Variants in PRRX1 observed in about 807,000 individuals in gnomAD.
PRRX1 encodes the protein paired mesoderm homeobox protein 1.
Under a neutral mutation model 24.0 loss-of-function variants are expected in PRRX1, and 8 were observed. That is an observed-to-expected ratio of 0.33 (90% CI 0.20 to 0.60). PRRX1 has a LOEUF of 0.60. Ranked by LOEUF, PRRX1 falls within the 20% of genes least tolerant of loss-of-function variation. The pLI, the probability that PRRX1 is intolerant of heterozygous loss-of-function variation, is 0.82. For missense variants in PRRX1, 281 were observed against 322.4 expected (o/e 0.87, Z 0.98); for synonymous variants, 160 against 131.7 (o/e 1.22, Z -1.47).
rs758738720 is a variant in PRRX1 at position 170,664,361 on chromosome 1, T to A, written c.143T>A (p.Met48Lys). The A allele has an allele frequency of 6.2e-7, 1 of 1,613,870 alleles. No homozygotes were observed. The change falls in exon 1 of 4, where the codon ATG (methionine) becomes AAG (lysine). Residue 48 changes from methionine to lysine, a missense_variant. By Grantham distance (95) the Met-to-Lys change is moderately conservative. Transcript: ENST00000239461. The stretch of plus-strand genomic sequence containing the variant: ...CTAGACCTGGAGGAAGCCGGGGACA[T>A]GGTGGCGGCACAGGCGGATGAGAAC... ...HLLDLEEAGD[M>K]VAAQADENVG...
chr1:170,679,448 G>A (rs1473528799), intron 1 of PRRX1, among the ~76,000 whole-genome samples: 2 of 152,080 alleles, frequency 1.3e-5, no homozygotes, highest in African/African-American at 4.8e-5. Context: ...TGCCCAGGCT[G>A]GAGTGCAGTG....
At chr1:170,726,665 G>C (rs1198437419) in intron 3 of PRRX1, 1 of 438,258 alleles carries the variant, frequency 2.3e-6, no homozygotes, top group African/African-American at 2.0e-5. Context: ...CAAAGATGAG[G>C]AAGAATCTAA....
At position 170,682,545 on chromosome 1, in the gene PRRX1, C is replaced by G. The variant is rs529971303; in HGVS notation, c.241+18086C>G. The stretch of plus-strand genomic sequence containing the variant: ...TTTGTTAGTATAACAAAGTTGGAGG[C>G]CTAGGTTTAAATGTTATGTTTGTAG... On this transcript the variant is annotated intron_variant, in intron 1 of 3. Transcript: ENST00000239461. Among the ~76,000 whole-genome samples the G allele has an allele frequency of 5.3e-5, 8 of 152,140 alleles. No homozygotes were observed. In the East Asian group the frequency reaches 7.7e-4, roughly 15 times the overall value.
intron 1 of PRRX1, among the ~76,000 whole-genome samples, chr1:170,702,954 C>A (rs1481150675): frequency 2.0e-5 from 3 of 152,152 alleles, no homozygotes; most frequent in Non-Finnish European, 4.4e-5. Context: ...GATTTATAAC[C>A]ATTTGATCAA....
intron 1 of PRRX1, among the ~76,000 whole-genome samples, chr1:170,702,417 T>C (rs1477107133): frequency 6.6e-6 from 1 of 152,140 alleles, no homozygotes; most frequent in African/African-American, 2.4e-5. Flanking sequence ...ATAACCACAA[T>C]TGTACTCTCT....
At chr1:170,681,596 G>A (rs889615505) in intron 1 of PRRX1, among the ~76,000 whole-genome samples, 1 of 152,088 alleles carries the variant, frequency 6.6e-6, no homozygotes, top group Non-Finnish European at 1.5e-5. Flanking sequence ...GAAGAAGTGA[G>A]TTGGAAGATA....
intron 1 of PRRX1, among the ~76,000 whole-genome samples, chr1:170,705,935 T>TACACACAAACACACACACACACAC (rs1553253691): frequency 1.4e-4 from 20 of 146,536 alleles, no homozygotes; most frequent in African/African-American, 5.0e-4. Flanking sequence ...CACACACACA[T>TACACACAAACACACACACACACAC]ACACACACAC....
chr1:170,669,148 T>C (rs73034965), intron 1 of PRRX1: 18,599 of 151,710 alleles, frequency 0.12, 1,240 homozygotes, highest in African/African-American at 0.16. Flanking sequence ...ACTCACTGGG[T>C]CTCCAGATCC....
At chr1:170,726,651 G>T (rs184713131) in intron 3 of PRRX1, 2 of 470,956 alleles carry the variant, frequency 4.2e-6, no homozygotes, top group African/African-American at 3.9e-5. Context: ...TCTTGCAAAG[G>T]TTTCAAAGAT....
At chr1:170,673,222 A>G (rs1653201991) in intron 1 of PRRX1, among the ~76,000 whole-genome samples, 1 of 152,168 alleles carries the variant, frequency 6.6e-6, no homozygotes, top group Non-Finnish European at 1.5e-5. Context: ...AAACTTTTAT[A>G]CCTGGGCATT....
At chr1:170,674,264 A>G (rs1347121554) in intron 1 of PRRX1, among the ~76,000 whole-genome samples, 1 of 152,082 alleles carries the variant, frequency 6.6e-6, no homozygotes, top group Admixed American at 6.5e-5. Context: ...ACAGATTGTA[A>G]CTGTTTTCCT....
intron 3 of PRRX1, among the ~76,000 whole-genome samples, chr1:170,732,056 G>T (rs11589002): frequency 0.047 from 7,178 of 152,208 alleles, 248 homozygotes; most frequent in Middle Eastern, 0.13. Flanking sequence ...AGACCAACAG[G>T]CAGGATCTCT....
chr1:170,697,941 T>C (rs1654228162), intron 1 of PRRX1, among the ~76,000 whole-genome samples: 1 of 151,314 alleles, frequency 6.6e-6, no homozygotes, highest in Admixed American at 6.6e-5. Flanking sequence ...TTATATAACA[T>C]AATTTTTAAT....
chr1:170,684,216 T>A (rs1231347993), intron 1 of PRRX1, among the ~76,000 whole-genome samples: 1 of 152,214 alleles, frequency 6.6e-6, no homozygotes, highest in Non-Finnish European at 1.5e-5. Context: ...AAAATGTTAA[T>A]AGCAACCTCA....
chr1:170,688,335 G>T (rs566993267), intron 1 of PRRX1, among the ~76,000 whole-genome samples: 256 of 151,982 alleles, frequency 1.7e-3, no homozygotes, highest in African/African-American at 5.4e-3. Flanking sequence ...GAAAATTAAG[G>T]TATCTATTTT....
At chr1:170,694,190 T>C (rs910884012) in intron 1 of PRRX1, among the ~76,000 whole-genome samples, 3 of 152,028 alleles carry the variant, frequency 2.0e-5, no homozygotes, top group Non-Finnish European at 4.4e-5. Context: ...TGCCAACACA[T>C]GAAACACGGT....
chr1:170,694,396 G>T (rs1019332180), intron 1 of PRRX1, among the ~76,000 whole-genome samples: 9 of 152,064 alleles, frequency 5.9e-5, no homozygotes, highest in African/African-American at 1.9e-4. Flanking sequence ...AGCTGTTTTC[G>T]TTGTAGAGTG....
At chr1:170,735,106 T>G (rs1655562647) in intron 3 of PRRX1, among the ~76,000 whole-genome samples, 1 of 152,174 alleles carries the variant, frequency 6.6e-6, no homozygotes, top group African/African-American at 2.4e-5. Context: ...TTTTAACTAT[T>G]TAGTAGAAAG....
At chr1:170,677,409 G>A (rs1421284389) in intron 1 of PRRX1, among the ~76,000 whole-genome samples, 1 of 152,178 alleles carries the variant, frequency 6.6e-6, no homozygotes, top group East Asian at 1.9e-4. Context: ...GCATTTATTT[G>A]AGTGCCTTCA....
Sources: allele counts gnomAD v4.1 joint callset (sites outside exome capture counted in the v4.1 genomes callset), GRCh38; gene constraint gnomAD v4.1.1; transcripts MANE v1.5; gene names NCBI Gene and HGNC (gene_info 2026-07-23, HGNC 2026-07-21).